Variants in RPF2 observed in about 807,000 individuals in gnomAD.
RPF2 encodes the protein ribosome production factor 2 homolog.
RPF2 carries 21 observed loss-of-function variants against 38.9 expected under a neutral mutation model. The ratio of observed to expected loss-of-function variants is 0.54; its 90% CI spans 0.38 to 0.78. RPF2 has a LOEUF of 0.78. RPF2 is among the 30% of genes least tolerant of loss of function. The pLI is 0.00. For missense variants in RPF2, 314 were observed against 358.1 expected, an observed-to-expected ratio of 0.88 and a Z score of 0.99; for synonymous variants, 121 against 126.2, an observed-to-expected ratio of 0.96 and a Z score of 0.28.
chr6:110,996,094 A>G (rs1583262611), intron 4 of RPF2, among the ~76,000 whole-genome samples: 1 of 150,754 alleles, frequency 6.6e-6, no homozygotes, highest in South Asian at 2.1e-4. Context: ...TTGGGATTAC[A>G]GACGTGAGCC....
intron 8 of RPF2, among the ~76,000 whole-genome samples, chr6:111,017,509 G>A (rs558011773): frequency 2.7e-4 from 40 of 150,884 alleles, no homozygotes; most frequent in South Asian, 2.3e-3. Context: ...GGCGGCTGCC[G>A]GGCGGAGGGG....
At chr6:110,994,048 G>A (rs998649461) in intron 4 of RPF2, among the ~76,000 whole-genome samples, 16 of 152,176 alleles carry the variant, frequency 1.1e-4, no homozygotes, top group Admixed American at 9.8e-4. Context: ...AGGCCAAGGC[G>A]TGTGGATCAC....
At chr6:111,004,789 G>T (rs1165287997) in intron 6 of RPF2, among the ~76,000 whole-genome samples, 1 of 151,246 alleles carries the variant, frequency 6.6e-6, no homozygotes, top group Non-Finnish European at 1.5e-5. Context: ...GGTTGGTCTC[G>T]GACTCCTCAC....
At position 111,015,765 on chromosome 6, in the gene RPF2, G is replaced by A. The variant is rs1475975148; in HGVS notation, c.505G>A (p.Gly169Ser). The A allele has an allele frequency of 1.2e-6, 2 of 1,604,858 alleles. No homozygotes were observed. The highest frequency in any genetic ancestry group is 2.7e-5 in the African/African-American group (2 of 74,686). ...ATATGTGCTTTTAGATTTCTTCAGA[G>A]GCCCCACAGTATCAAATATCCGCCT... ...LKSLLIDFFR[G>S]PTVSNIRLAG... The change falls in exon 8 of 10, where the codon GGC becomes AGC. Residue 169 changes from glycine (G) to serine (S), a missense_variant. By Grantham distance (56) the Gly-to-Ser change is moderately conservative. Coordinates refer to ENST00000441448, the MANE Select transcript of RPF2 (RefSeq NM_032194.3).
intron 7 of RPF2, among the ~76,000 whole-genome samples, chr6:111,008,875 G>A (rs1027945197): frequency 6.9e-6 from 1 of 145,896 alleles, no homozygotes; most frequent in African/African-American, 2.6e-5. Flanking sequence ...TTTCCGGGAA[G>A]CCCTCAGTGA....
At chr6:110,992,642 A>C (rs1463279958) in intron 4 of RPF2, among the ~76,000 whole-genome samples, 2 of 152,190 alleles carry the variant, frequency 1.3e-5, no homozygotes, top group Non-Finnish European at 2.9e-5. Context: ...GCTTTCCTAG[A>C]GTTAATCAGA....
intron 3 of RPF2, 104 bp downstream of exon 3, chr6:110,989,169 T>A: frequency 8.8e-7 from 1 of 1,133,994 alleles, no homozygotes; most frequent in South Asian, 2.1e-5. Flanking sequence ...AAAAAGATAT[T>A]AAAATTCCTT....
At chr6:110,984,850 A>AAAC (rs1256491303) in intron 1 of RPF2, among the ~76,000 whole-genome samples, 156 bp from the exon 2 acceptor site, 2 of 148,654 alleles carry the variant, frequency 1.3e-5, no homozygotes, top group East Asian at 2.1e-4. Flanking sequence ...AAAAACAAAC[A>AAAC]AAAAAAAACA....
In RPF2 at chr6:110,999,696, A is replaced by G. The variant is rs150419435; in HGVS notation, c.317-15A>G. The G allele has an allele frequency of 2.6e-5, 41 of 1,558,998 alleles. No individual in the cohort carries two copies. The Middle Eastern group carries it at 5.0e-4, about 19-fold the overall frequency. ...TTGGGAAAAATACATGCTTAAAAAT[A>G]CATTTTCCTTCCAGGTCGTATGTAT... On this transcript the variant is annotated splice_polypyrimidine_tract_variant and intron_variant, in intron 5 of 9. Transcript: ENST00000441448.
intron 8 of RPF2, among the ~76,000 whole-genome samples, chr6:111,017,170 A>G (rs1583274123): frequency 6.6e-6 from 1 of 152,302 alleles, no homozygotes; most frequent in African/African-American, 2.4e-5. Context: ...CATCGTCATC[A>G]TGGCCCGTTC....
At chr6:111,009,442 C>G (rs1290443098) in intron 7 of RPF2, among the ~76,000 whole-genome samples, 1 of 151,890 alleles carries the variant, frequency 6.6e-6, no homozygotes, top group Non-Finnish European at 1.5e-5. Flanking sequence ...ATCCACCCTC[C>G]TTGGCCTCCC....
intron 8 of RPF2, among the ~76,000 whole-genome samples, chr6:111,018,792 C>T (rs1018422719): frequency 3.3e-5 from 5 of 152,124 alleles, no homozygotes; most frequent in African/African-American, 9.7e-5. Context: ...TGGTTAAGAT[C>T]GAAAGCCCCT....
intron 4 of RPF2, among the ~76,000 whole-genome samples, chr6:110,994,732 TATACAC>T (rs1011966261): frequency 9.8e-6 from 1 of 101,890 alleles, no homozygotes; most frequent in African/African-American, 4.3e-5. Flanking sequence ...GATGAGTATA[TATACAC>T]ACACACACAC....
At chr6:111,003,046 G>T (rs6930007) in intron 6 of RPF2, among the ~76,000 whole-genome samples, 19,446 of 150,828 alleles carry the variant, frequency 0.13, 1,735 homozygotes, top group East Asian at 0.5. Flanking sequence ...ATAGGCATGA[G>T]CCACCGTATC....
intron 4 of RPF2, 26 bp from the exon 5 acceptor site, chr6:110,997,157 T>G (rs750472238): frequency 7.2e-7 from 1 of 1,391,410 alleles, no homozygotes; most frequent in South Asian, 1.2e-5. Flanking sequence ...ATGCATGGAC[T>G]AAATGGGATT....
In RPF2 at chr6:110,987,883, TGTG is replaced by T. The variant is rs1326873138; in HGVS notation, c.157-1140_157-1138del. Among the ~76,000 whole-genome samples, 5 of 152,190 alleles carry T rather than the reference TGTG, an allele frequency of 3.3e-5. No individual in the cohort carries two copies. In the East Asian group the frequency reaches 9.7e-4, roughly 29 times the overall value. On this transcript the variant is annotated intron_variant, in intron 2 of 9. Coordinates refer to ENST00000441448, the MANE Select transcript of RPF2 (RefSeq NM_032194.3). ...AAGTAATAAATGATTATAGGCCAGG[TGTG>T]GTGGCTCACACCTGTAATCCCAGCA...
Position 111,015,830 on chromosome 6 carries a change from T to C in RPF2, c.570T>C (p.Asn190=), listed in dbSNP as rs1355099247. 6.2e-7 allele frequency: 1 copy of C among 1,611,612 alleles called. No individual in the cohort carries two copies. Among genetic ancestry groups the C allele is most frequent in the East Asian group, 2.2e-5 (1 of 44,878 alleles). ...ATGTTCTGCACTTCACTGCACTGAA[T>C]GGGAAGATTTACTTTCGAAGCTATA... is the stretch of plus-strand genomic sequence containing the variant. ...LEYVLHFTAL[N]GKIYFRSYKL... Residue 190 remains asparagine (N), a synonymous_variant, in exon 8 of 10, where the codon AAT becomes AAC. Transcript: ENST00000441448.
chr6:111,007,981 T>C, intron 6 of RPF2, 57 bp from the exon 7 acceptor site: 3 of 1,469,660 alleles, frequency 2.0e-6, no homozygotes, highest in African/African-American at 1.5e-5. Context: ...ACAAAATCAA[T>C]ATATAAACAG....
At chr6:111,000,240 G>GACT (rs1233851334) in intron 6 of RPF2, among the ~76,000 whole-genome samples, 1 of 152,052 alleles carries the variant, frequency 6.6e-6, no homozygotes, top group Non-Finnish European at 1.5e-5. Context: ...AAGTAGCTGG[G>GACT]ACTACAGGCA....
Sources: allele counts gnomAD v4.1 joint callset (sites outside exome capture counted in the v4.1 genomes callset), GRCh38; gene constraint gnomAD v4.1.1; transcripts MANE v1.5; gene names NCBI Gene and HGNC (gene_info 2026-07-23, HGNC 2026-07-21).